Variants in GSG1L observed in about 807,000 individuals in gnomAD.
The protein encoded by GSG1L is GSG1 like.
In GSG1L, 24 loss-of-function variants were observed where a neutral mutation model predicts 42.1. The ratio of observed to expected loss-of-function variants is 0.57; its 90% CI spans 0.41 to 0.80. GSG1L has a LOEUF of 0.80. Among genes scored for constraint, GSG1L ranks in the 30% least tolerant of loss-of-function variants. The pLI, the probability that GSG1L is intolerant of heterozygous loss-of-function variation, is 0.00. For synonymous variants in GSG1L, 215 were observed against 203.5 expected, an observed-to-expected ratio of 1.06 and a Z score of -0.48; for missense variants, 445 against 472.2, an observed-to-expected ratio of 0.94 and a Z score of 0.53.
intron 6 of GSG1L, among the ~76,000 whole-genome samples, chr16:27,804,468 C>G (rs60674623): frequency 0.27 from 41,571 of 151,660 alleles, 6,455 homozygotes; most frequent in African/African-American, 0.43. Flanking sequence ...ATCTTCCTCC[C>G]TTGTTTGTTT....
In GSG1L at chr16:27,891,943, G is replaced by T. The variant is rs76242530; in HGVS notation, c.398-7305C>A. 1.6e-4 allele frequency among the ~76,000 whole-genome samples: 21 copies of T among 133,082 alleles called. No homozygotes were observed. The East Asian group carries it at 5.1e-3, about 32-fold the overall frequency. The allele number at this position is 133,082 out of a possible 152,430, so 87.3% of individuals were successfully genotyped here. A position where few individuals can be genotyped will look rare whatever the true frequency, so the allele number is the denominator to read the frequency against. ...GACTCTGATTTCCAGTGAGAGTGGT[G>T]ATCTAAGCCAGTGGTCTCAGCACAC... On this transcript the variant is annotated intron_variant, in intron 2 of 6. Transcript: ENST00000447459.
intron 5 of GSG1L, among the ~76,000 whole-genome samples, chr16:27,826,848 C>A (rs967542578): frequency 6.6e-6 from 1 of 152,196 alleles, no homozygotes; most frequent in African/African-American, 2.4e-5. Context: ...CCAGCCTGTT[C>A]ATGAACTGTG....
chr16:27,879,090 T>TG (rs1173249135), intron 3 of GSG1L, among the ~76,000 whole-genome samples: 1 of 152,070 alleles, frequency 6.6e-6, no homozygotes, highest in East Asian at 1.9e-4. Flanking sequence ...AAAATGGGAC[T>TG]GAGTGGACCA....
chr16:27,888,973 G>GATATAGATATAGAT (rs774360829), intron 2 of GSG1L, among the ~76,000 whole-genome samples: 1 of 146,516 alleles, frequency 6.8e-6, no homozygotes, highest in Non-Finnish European at 1.5e-5. Flanking sequence ...TATAGATATA[G>GATATAGATATAGAT]ATAGATATAC....
At position 27,813,064 on chromosome 16, in the gene GSG1L, G is replaced by A. The variant is rs571817214; in HGVS notation, c.831-5510C>T. ...CAAAGTGCTGGGATTACAGGTGTGA[G>A]CCACCGCACCCGGCCAGCTTTTAAT... On this transcript the variant is annotated intron_variant, in intron 5 of 6. Transcript: ENST00000447459. Among the ~76,000 whole-genome samples, 807 of 152,308 alleles carry A rather than the reference G, an allele frequency of 5.3e-3. 3 individuals carry two copies. Among genetic ancestry groups the A allele is most frequent in the Non-Finnish European group, 7.5e-3 (512 of 68,032 alleles).
At chr16:27,834,139 A>G (rs983107464) in intron 4 of GSG1L, among the ~76,000 whole-genome samples, 2 of 152,108 alleles carry the variant, frequency 1.3e-5, no homozygotes, top group African/African-American at 4.8e-5. Flanking sequence ...GAGTTTTTTA[A>G]AAAGTATGAA....
At chr16:27,952,744 T>C (rs1251048852) in intron 2 of GSG1L, among the ~76,000 whole-genome samples, 1 of 152,244 alleles carries the variant, frequency 6.6e-6, no homozygotes, top group Non-Finnish European at 1.5e-5. Flanking sequence ...AATTTGAAAT[T>C]CAGCATAGGA....
At chr16:28,043,685 C>A (rs1023768676) in intron 1 of GSG1L, among the ~76,000 whole-genome samples, 1 of 152,194 alleles carries the variant, frequency 6.6e-6, no homozygotes, top group Non-Finnish European at 1.5e-5. Flanking sequence ...AACAGGAGCT[C>A]CCACTCAGTG....
intron 1 of GSG1L, among the ~76,000 whole-genome samples, chr16:28,000,121 T>C (rs2085565862): frequency 6.6e-6 from 1 of 152,208 alleles, no homozygotes; most frequent in Non-Finnish European, 1.5e-5. Context: ...GTCTGCAGCA[T>C]AGAACCAGCC....
chr16:27,833,131 AGTG>A (rs2140970577), intron 4 of GSG1L, among the ~76,000 whole-genome samples: 1 of 152,298 alleles, frequency 6.6e-6, no homozygotes, highest in East Asian at 1.9e-4. Flanking sequence ...AATTTTTGCA[AGTG>A]GTGTGCAGTT....
chr16:27,821,009 C>A (rs773919287), intron 5 of GSG1L, among the ~76,000 whole-genome samples: 3 of 152,192 alleles, frequency 2.0e-5, no homozygotes, highest in African/African-American at 2.4e-5. Context: ...CACTGCCGAT[C>A]TGTCTGGTGA....
intron 3 of GSG1L, among the ~76,000 whole-genome samples, chr16:27,871,041 A>G (rs117309691): frequency 0.029 from 4,332 of 147,484 alleles, 255 homozygotes; most frequent in African/African-American, 0.075. Context: ...CTAGCCTGGC[A>G]TCCAAGTCCA....
At chr16:27,913,339 G>A (rs556985367) in intron 2 of GSG1L, among the ~76,000 whole-genome samples, 7 of 152,294 alleles carry the variant, frequency 4.6e-5, no homozygotes, top group Non-Finnish European at 8.8e-5. Flanking sequence ...TGCCTTTGAG[G>A]GAGGGGCTGG....
intron 2 of GSG1L, among the ~76,000 whole-genome samples, chr16:27,961,028 G>GACAC (rs141642419): frequency 1.3e-5 from 2 of 151,266 alleles, no homozygotes. Flanking sequence ...ACTGTACACA[G>GACAC]ACACACACAC....
rs777517874 is a variant in GSG1L at position 27,884,604 on chromosome 16, C to A, written c.432G>T (p.Leu144=). ...AGCCAACCACCAGCAGCAGAATGTA[C>A]AGCACCTCGGAGACCACAGACAGCC... ...VLWLSVVSEV[L]YILLLVVGFS... is the part of the protein sequence containing the mutation. The change falls in exon 3 of 7, where the codon CTG becomes CTT. Residue 144 remains leucine (L), a synonymous_variant. Coordinates refer to ENST00000447459, the MANE Select transcript of GSG1L (RefSeq NM_001109763.2). The surrounding 1 kb of genome is among the most constrained non-coding windows in gnomAD (Gnocchi z 4.4). 1.2e-6 allele frequency: 2 copies of A among 1,605,998 alleles called. No homozygotes were observed. The highest frequency in any genetic ancestry group is 2.2e-5 in the South Asian group (2 of 89,496).
At chr16:28,057,054 C>T (rs1374870460) in intron 1 of GSG1L, among the ~76,000 whole-genome samples, 2 of 151,960 alleles carry the variant, frequency 1.3e-5, no homozygotes, top group Non-Finnish European at 2.9e-5. Flanking sequence ...GTAAGGAGGC[C>T]GGTGTGGCTG....
intron 6 of GSG1L, among the ~76,000 whole-genome samples, chr16:27,801,136 G>A (rs765367647): frequency 2.0e-4 from 30 of 152,170 alleles, no homozygotes; most frequent in Non-Finnish European, 3.7e-4. Flanking sequence ...TGAGTTTTGC[G>A]TGTTCAAGAA....
At chr16:27,986,169 A>T (rs1006664903) in intron 1 of GSG1L, among the ~76,000 whole-genome samples, 25 of 152,146 alleles carry the variant, frequency 1.6e-4, no homozygotes, top group African/African-American at 5.6e-4. Context: ...TTATTGCCGC[A>T]GGGAGGCTAC....
At chr16:27,832,199 C>G (rs1386016621) in intron 4 of GSG1L, among the ~76,000 whole-genome samples, 1 of 152,142 alleles carries the variant, frequency 6.6e-6, no homozygotes, top group Non-Finnish European at 1.5e-5. Flanking sequence ...TCACAAACAG[C>G]TGTAAGAAAT....
Sources: allele counts gnomAD v4.1 joint callset (sites outside exome capture counted in the v4.1 genomes callset), GRCh38; gene constraint gnomAD v4.1.1; non-coding constraint Gnocchi (gnomAD v3.1); transcripts MANE v1.5; gene names NCBI Gene and HGNC (gene_info 2026-07-23, HGNC 2026-07-21).